Variants in MAPK10 observed in about 807,000 individuals in gnomAD.
MAPK10 encodes mitogen-activated protein kinase 10.
In MAPK10, 25 loss-of-function variants were observed where a neutral mutation model predicts 59.3. The observed-to-expected ratio is 0.42, with a 90% CI of 0.31 to 0.59. MAPK10 has a LOEUF of 0.59. Among genes scored for constraint, MAPK10 ranks in the 20% least tolerant of loss-of-function variants. The probability of loss-of-function intolerance (pLI) is 0.15; values close to 1 mark genes in which losing one functional copy is unlikely to be tolerated. For missense variants in MAPK10, 351 were observed against 568.9 expected (o/e 0.62, Z 3.90); for synonymous variants, 190 against 200.5 (o/e 0.95, Z 0.44).
chr4:86,436,807 T>C (rs1340945172), intron 1 of MAPK10, among the ~76,000 whole-genome samples: 2 of 152,202 alleles, frequency 1.3e-5, no homozygotes, highest in African/African-American at 4.8e-5. Flanking sequence ...TTTCTTGCCT[T>C]ATTTCCCTGG....
At chr4:86,484,981 A>C (rs896127445) in intron 1 of MAPK10, among the ~76,000 whole-genome samples, 1 of 152,234 alleles carries the variant, frequency 6.6e-6, no homozygotes, top group Non-Finnish European at 1.5e-5. Flanking sequence ...TCTGAATTAA[A>C]TAAGTGGTTA....
intron 1 of MAPK10, among the ~76,000 whole-genome samples, chr4:86,371,799 GC>G (rs1353293385): frequency 6.6e-6 from 1 of 152,142 alleles, no homozygotes; most frequent in African/African-American, 2.4e-5. Context: ...CTTTCCCATA[GC>G]CAAGAGAAGC....
intron 2 of MAPK10, among the ~76,000 whole-genome samples, chr4:86,304,045 A>C (rs2148852686): frequency 6.6e-6 from 1 of 152,358 alleles, no homozygotes; most frequent in Middle Eastern, 3.4e-3. Context: ...TTCTGGCAGA[A>C]GAAATAGGCA....
At chr4:86,312,975 A>G (rs903653126) in intron 2 of MAPK10, among the ~76,000 whole-genome samples, 1 of 152,144 alleles carries the variant, frequency 6.6e-6, no homozygotes, top group African/African-American at 2.4e-5. Flanking sequence ...TCGCAAGTAT[A>G]TACATATTTG....
intron 1 of MAPK10, among the ~76,000 whole-genome samples, chr4:86,552,724 G>T (rs1759952963): frequency 6.6e-6 from 1 of 152,124 alleles, no homozygotes; most frequent in South Asian, 2.1e-4. Flanking sequence ...AAAAGAGAGT[G>T]TCTCTTTTTA....
At chr4:86,487,162 T>C (rs1340764756) in intron 1 of MAPK10, among the ~76,000 whole-genome samples, 2 of 152,068 alleles carry the variant, frequency 1.3e-5, no homozygotes, top group Non-Finnish European at 2.9e-5. Flanking sequence ...ACAGACATGA[T>C]TAGGGCAATT....
intron 1 of MAPK10, among the ~76,000 whole-genome samples, chr4:86,394,121 T>C (rs948916095): frequency 2.0e-5 from 3 of 151,914 alleles, no homozygotes; most frequent in Non-Finnish European, 4.4e-5. Context: ...AAACACAAAT[T>C]AGCCAGGCTT....
chr4:86,170,123 C>T (rs2073601328), intron 3 of MAPK10, among the ~76,000 whole-genome samples: 1 of 151,850 alleles, frequency 6.6e-6, no homozygotes, highest in Admixed American at 6.6e-5. Flanking sequence ...AATGTAAAGA[C>T]CATCGAGACT....
chr4:86,400,796 C>A (rs1037146734), intron 1 of MAPK10, among the ~76,000 whole-genome samples: 2 of 151,920 alleles, frequency 1.3e-5, no homozygotes, highest in Non-Finnish European at 2.9e-5. Flanking sequence ...ATCCTAACGG[C>A]AAAAGTTCAA....
rs181689701 is a variant in MAPK10, at chr4:86,464,490, C to A, written c.-262-109846G>T. ...TTTCATACAGATGAACAACTGATGACTTTCTTTACTCAATTGCAAACAGCA... is the reference window on the plus strand; with the variant it reads ...TTTCATACAGATGAACAACTGATGAATTTCTTTACTCAATTGCAAACAGCA... On this transcript the variant is annotated intron_variant, in intron 1 of 4. Coordinates refer to the MAPK10 transcript ENST00000502302. Among the ~76,000 whole-genome samples, 624 of 152,334 alleles carry A rather than the reference C, an allele frequency of 4.1e-3. 8 individuals are homozygous for A. Among genetic ancestry groups the A allele is most frequent in the South Asian group, 3.5e-3 (17 of 4,828 alleles).
chr4:86,194,260 T>C lies in MAPK10; in HGVS notation c.66+76A>G. 3.7e-6 allele frequency: 4 copies of C among 1,081,168 alleles called. No homozygotes were observed. The South Asian group carries it at 5.2e-5, about 14-fold the overall frequency. 67.0% of individuals were successfully genotyped at this position (1,081,168 alleles called of 1,614,324 possible). On this transcript the variant is annotated intron_variant, in intron 3 of 13. Coordinates refer to ENST00000641462, the MANE Select transcript of MAPK10 (RefSeq NM_138982.4). ...TATAAATACTGACTTTGGTGTGGAA[T>C]GTATGCAAATGGTATGTCAAAGTGG...
chr4:86,568,709 C>G (rs1047271298), intron 1 of MAPK10, among the ~76,000 whole-genome samples: 1 of 152,032 alleles, frequency 6.6e-6, no homozygotes, highest in South Asian at 2.1e-4. Context: ...ATACTCTATT[C>G]AATATATGGT....
intron 1 of MAPK10, among the ~76,000 whole-genome samples, chr4:86,560,909 T>C (rs1760627917): frequency 6.6e-6 from 1 of 152,244 alleles, no homozygotes. Flanking sequence ...ATAGAGTCCA[T>C]GTCAGAAATA....
chr4:86,404,473 C>A (rs1253603456), intron 1 of MAPK10, among the ~76,000 whole-genome samples: 4 of 152,168 alleles, frequency 2.6e-5, no homozygotes, highest in Non-Finnish European at 5.9e-5. Flanking sequence ...ATGTACTTAC[C>A]AATGCCTACT....
intron 2 of MAPK10, among the ~76,000 whole-genome samples, chr4:86,280,491 T>C (rs1382798242): frequency 6.6e-6 from 1 of 152,184 alleles, no homozygotes; most frequent in East Asian, 1.9e-4. Context: ...GGAACTCTTA[T>C]ACCCTGTTGG....
intron 2 of MAPK10, among the ~76,000 whole-genome samples, chr4:86,208,759 A>G (rs866204997): frequency 1.3e-5 from 2 of 151,974 alleles, no homozygotes; most frequent in Admixed American, 6.6e-5. Context: ...GCAGGAGAAG[A>G]AAATAAAGGG....
At chr4:86,141,334 C>T (rs2063599711) in intron 4 of MAPK10, among the ~76,000 whole-genome samples, 1 of 152,182 alleles carries the variant, frequency 6.6e-6, no homozygotes, top group African/African-American at 2.4e-5. Flanking sequence ...CAGCAAATGC[C>T]TCAAATCTAG....
At chr4:86,176,654 C>T (rs17011402) in intron 3 of MAPK10, among the ~76,000 whole-genome samples, 2 of 150,402 alleles carry the variant, frequency 1.3e-5, no homozygotes, top group South Asian at 4.2e-4. Context: ...TAGAAAAAAA[C>T]TGCTCAGCAT....
intron 1 of MAPK10, among the ~76,000 whole-genome samples, chr4:86,448,248 G>C (rs1430644667): frequency 6.6e-6 from 1 of 151,822 alleles, no homozygotes; most frequent in Non-Finnish European, 1.5e-5. Flanking sequence ...AATTAATATA[G>C]CTTTATGTAG....
Sources: allele counts gnomAD v4.1 joint callset (sites outside exome capture counted in the v4.1 genomes callset), GRCh38; gene constraint gnomAD v4.1.1; transcripts MANE v1.5; gene names NCBI Gene and HGNC (gene_info 2026-07-23, HGNC 2026-07-21).